The following DHPS variants were observed in gnomAD, a reference collection of about 807,000 sequenced individuals.
DHPS encodes the protein deoxyhypusine synthase.
DHPS carries 24 observed loss-of-function variants against 38.7 expected under a neutral mutation model. The observed-to-expected ratio is 0.62, with a 90% CI of 0.45 to 0.87. The LOEUF (loss-of-function observed/expected upper bound fraction) is 0.87, where lower values mean the gene tolerates loss of function less well. DHPS is among the 40% of genes least tolerant of loss of function. The pLI, the probability that DHPS is intolerant of heterozygous loss-of-function variation, is 0.00. For synonymous variants in DHPS, 250 were observed against 204.4 expected (o/e 1.22, Z -1.90); for missense variants, 510 against 497.6 (o/e 1.02, Z -0.24).
chr19:12,672,746 G>C, downstream of DHPS: 1 of 1,215,436 alleles, frequency 8.2e-7, no homozygotes, highest in African/African-American at 1.5e-5. Flanking sequence ...TTCCACTCCT[G>C]TGCACTGGAA....
At chr19:12,673,229 C>G (rs2024474396), downstream of DHPS, 1 of 1,613,916 alleles carries the variant, frequency 6.2e-7, no homozygotes, top group Admixed American at 1.7e-5. Flanking sequence ...ACCAGGAATA[C>G]AAGCTGGACT....
Position 12,680,198 on chromosome 19 carries a change from A to G in DHPS, c.335T>C (p.Ile112Thr). 1 of 1,614,202 alleles carries G rather than the reference A, an allele frequency of 6.2e-7. No individual in the cohort carries two copies. The highest frequency in any genetic ancestry group is 8.5e-7 in the Non-Finnish European group (1 of 1,180,034). The change falls in exon 2 of 9, where the codon ATC (isoleucine) becomes ACC (threonine). Residue 112 changes from isoleucine (I) to threonine (T), a missense_variant. Physicochemically the swap from Ile to Thr is moderately conservative, Grantham distance 89. Transcript: ENST00000210060. ...GYTSNLISSGIRETIRYLVQH... is the reference protein window; with the variant it reads ...GYTSNLISSGTRETIRYLVQH... Reference sequence around the variant, plus strand: ...CACAAGGTAGCGAATGGTCTCACGGATGCCTGAACTGATGAGGTTGGATGT... The same window carrying G: ...CACAAGGTAGCGAATGGTCTCACGGGTGCCTGAACTGATGAGGTTGGATGT...
At position 12,679,896 on chromosome 19, in the gene DHPS, G is replaced by A. The variant is rs751348383; in HGVS notation, c.399C>T (p.Gly133=). 4 of 1,613,842 alleles carry A rather than the reference G, an allele frequency of 2.5e-6. No individual in the cohort carries two copies. Among genetic ancestry groups the A allele is most frequent in the South Asian group, 1.1e-5 (1 of 91,024 alleles). ...NMVDVLVTTA[G]GVEEDLIKCL... ...ACTTGATGAGGTCTTCCTCCACGCC[G>A]CCAGCTGTGGTCACCAATACGTCCA... Residue 133 remains glycine, a synonymous_variant, in exon 3 of 9, where the codon GGC becomes GGT. Transcript: ENST00000210060.
intron 2 of DHPS, 27 bp downstream of exon 2, chr19:12,680,134 A>G (rs1599384417): frequency 5.6e-6 from 9 of 1,612,226 alleles, no homozygotes; most frequent in Non-Finnish European, 7.6e-6. Context: ...CCCAGAGGCC[A>G]AGGCCACGGC....
intron 1 of DHPS, chr19:12,681,280 C>T: frequency 7.7e-7 from 1 of 1,302,606 alleles, no homozygotes; most frequent in Non-Finnish European, 1.0e-6. Flanking sequence ...CAGGCTCCGC[C>T]CATTCCAGAA....
rs754401320 is a variant in DHPS, at chr19:12,681,702, G to C, written c.65C>G (p.Ser22Trp). ...GALAAVLKHS[S>W]TLPPESTQVR... ...CTGGGTGCTTTCGGGCGGCAACGTC[G>C]AGCTGTGCTTTAGCACGGCGGCCAG... Residue 22 changes from serine to tryptophan, a missense_variant, in exon 1 of 9, where the codon TCG becomes TGG. Coordinates refer to ENST00000210060, the MANE Select transcript of DHPS (RefSeq NM_001930.4). 4 of 1,613,980 alleles carry C rather than the reference G, an allele frequency of 2.5e-6. No homozygotes were observed. Among genetic ancestry groups the C allele is most frequent in the Non-Finnish European group, 3.4e-6 (4 of 1,180,028 alleles).
At chr19:12,674,469 C>G (rs371890679), downstream of DHPS, among the ~76,000 whole-genome samples, 22 of 152,132 alleles carry the variant, frequency 1.4e-4, no homozygotes, top group Non-Finnish European at 2.8e-4. Context: ...GAAGACTTGG[C>G]GGACAAGCTC....
downstream of DHPS, chr19:12,673,212 C>CAT (rs1411211552): frequency 6.2e-7 from 1 of 1,613,904 alleles, no homozygotes; most frequent in Non-Finnish European, 8.5e-7. Context: ...GTACAAGGGC[C>CAT]ATAAGAACCA....
chr19:12,672,646 A>G, downstream of DHPS: 1 of 603,490 alleles, frequency 1.7e-6, no homozygotes. Flanking sequence ...GAAGGACTCC[A>G]AGGGCTTGGA....
At chr19:12,673,416 T>A, downstream of DHPS, 2 of 695,154 alleles carry the variant, frequency 2.9e-6, no homozygotes, top group East Asian at 3.0e-5. Context: ...GGATCTTTTT[T>A]TTTTTTTTTT....
chr19:12,679,659 G>T lies in DHPS; in HGVS notation c.555C>A (p.Pro185=). Residue 185 remains proline (P), a synonymous_variant, in exon 4 of 9, where the codon CCC becomes CCA. Coordinates refer to ENST00000210060, the MANE Select transcript of DHPS (RefSeq NM_001930.4). ...GCTCCATCACCATCTGGTCCAGAATGGGCATCAGCCAGTCCTCAAACTTGC... is the reference window on the plus strand; with the variant it reads ...GCTCCATCACCATCTGGTCCAGAATTGGCATCAGCCAGTCCTCAAACTTGC... The part of the protein sequence containing the change: ...NYCKFEDWLM[P]ILDQMVMEQN... 2 of 1,614,172 alleles carry T rather than the reference G, an allele frequency of 1.2e-6. No individual in the cohort carries two copies. The highest frequency in any genetic ancestry group is 2.2e-5 in the South Asian group (2 of 91,074).
At chr19:12,681,469 C>T (rs1460565660) in intron 1 of DHPS, 91 bp downstream of exon 1, 5 of 1,423,324 alleles carry the variant, frequency 3.5e-6, no homozygotes, top group Non-Finnish European at 4.9e-6. Flanking sequence ...AGACATATCC[C>T]CTCCACTGGA....
chr19:12,681,059 CCTCTT>C (rs1309371715), intron 1 of DHPS: 10 of 1,121,636 alleles, frequency 8.9e-6, no homozygotes, highest in Middle Eastern at 2.3e-4. Flanking sequence ...GTCTCGAACT[CCTCTT>C]CTCTTGATCC....
chr19:12,678,819 T>C (rs974778883), intron 5 of DHPS, among the ~76,000 whole-genome samples: 49 of 148,522 alleles, frequency 3.3e-4, no homozygotes, highest in Non-Finnish European at 6.0e-4. Context: ...TTTTTTTTTT[T>C]CAGGTTCTGA....
At chr19:12,678,966 G>A (rs1252263505) in intron 5 of DHPS, among the ~76,000 whole-genome samples, 3 of 151,760 alleles carry the variant, frequency 2.0e-5, no homozygotes, top group African/African-American at 7.3e-5. Context: ...TAAGGATGCT[G>A]AGGCCCCACT....
In DHPS at chr19:12,675,798, A is replaced by G; in HGVS notation, c.*40T>C. ...GAGGGGCTGGGTCTGCAAATTAATA[A>G]ATAGAAGAGGGGGTAAGACCTTCCT... On this transcript the variant is annotated 3_prime_UTR_variant, in exon 9 of 9. Transcript: ENST00000210060. 1 of 1,569,412 alleles carries G rather than the reference A, an allele frequency of 6.4e-7. No individual in the cohort carries two copies. The highest frequency in any genetic ancestry group is 2.3e-5 in the East Asian group (1 of 44,274).
At chr19:12,676,350 AG>A in intron 7 of DHPS, 1 of 632,676 alleles carries the variant, frequency 1.6e-6, no homozygotes, top group East Asian at 3.0e-5. Flanking sequence ...CAGACCCAAC[AG>A]CCAGGTGTCA....
rs1233463503 is a variant in DHPS at position 12,681,619 on chromosome 19, C to G, written c.148G>C (p.Gly50Arg). Residue 50 changes from glycine (G) to arginine (R), a missense_variant, in exon 1 of 9, where the codon GGC (glycine) becomes CGC (arginine). Physicochemically the swap from Gly to Arg is moderately radical, Grantham distance 125. Coordinates refer to ENST00000210060, the MANE Select transcript of DHPS (RefSeq NM_001930.4). ...VNYRALLEAF[G>R]TTGFQATNFG... The stretch of plus-strand genomic sequence containing the variant: ...TTGGTTGCTTGGAAGCCGGTGGTGC[C>G]GAAGGCCTCCAGCAGTGCGCGGTAA... 4 of 1,614,114 alleles carry G rather than the reference C, an allele frequency of 2.5e-6. No individual in the cohort carries two copies. The African/African-American group carries it at 5.3e-5, about 22-fold the overall frequency.
At position 12,680,188 on chromosome 19, in the gene DHPS, G is replaced by T. The variant is rs539777818; in HGVS notation, c.345C>A (p.Thr115=). 10 of 1,614,062 alleles carry T rather than the reference G, an allele frequency of 6.2e-6. No individual in the cohort carries two copies. The highest frequency in any genetic ancestry group is 1.7e-5 in the Admixed American group (1 of 59,984). The change falls in exon 2 of 9, where the codon ACC becomes ACA. Residue 115 remains threonine, a synonymous_variant. Coordinates refer to ENST00000210060, the MANE Select transcript of DHPS (RefSeq NM_001930.4). ...SNLISSGIRE[T]IRYLVQHNMV... The stretch of plus-strand genomic sequence containing the variant: ...TGTTGTGCTGCACAAGGTAGCGAAT[G>T]GTCTCACGGATGCCTGAACTGATGA...
Sources: allele counts gnomAD v4.1 joint callset (sites outside exome capture counted in the v4.1 genomes callset), GRCh38; gene constraint gnomAD v4.1.1; transcripts MANE v1.5; gene names NCBI Gene and HGNC (gene_info 2026-07-23, HGNC 2026-07-21).